The following SLC35F1 variants were observed in gnomAD, a reference collection of about 807,000 sequenced individuals.
SLC35F1 encodes the protein chromosome 6 open reading frame 169.
In SLC35F1, 14 loss-of-function variants were observed where a neutral mutation model predicts 48.7. The ratio of observed to expected loss-of-function variants is 0.29; its 90% confidence interval spans 0.19 to 0.45. The LOEUF is 0.45. Among genes scored for constraint, SLC35F1 ranks in the 20% least tolerant of loss-of-function variants. The pLI is 1.00. For missense variants in SLC35F1, 404 were observed against 500.0 expected, an observed-to-expected ratio of 0.81 and a Z score of 1.83; for synonymous variants, 190 against 202.2, an observed-to-expected ratio of 0.94 and a Z score of 0.51.
At chr6:117,964,784 C>T (rs1384608042) in intron 1 of SLC35F1, among the ~76,000 whole-genome samples, 1 of 152,200 alleles carries the variant, frequency 6.6e-6, no homozygotes, top group African/African-American at 2.4e-5. Context: ...CTGCTCACCA[C>T]ACAGAAACCT....
intron 2 of SLC35F1, among the ~76,000 whole-genome samples, chr6:118,189,932 G>C (rs931301904): frequency 3.3e-5 from 5 of 152,324 alleles, no homozygotes; most frequent in Middle Eastern, 3.4e-3. Flanking sequence ...AAGTATGTCT[G>C]CTGGGATTGG....
intron 1 of SLC35F1, among the ~76,000 whole-genome samples, chr6:118,057,844 G>C (rs1000032851): frequency 1.3e-5 from 2 of 152,142 alleles, no homozygotes; most frequent in Admixed American, 6.5e-5. Context: ...TTGAGGAATG[G>C]ATTTCTGTTG....
intron 1 of SLC35F1, among the ~76,000 whole-genome samples, chr6:118,022,500 T>C (rs1424267320): frequency 2.0e-5 from 3 of 152,064 alleles, no homozygotes; most frequent in Admixed American, 6.6e-5. Context: ...CAGGCTTGGA[T>C]GGCAAGTTGA....
At chr6:117,911,696 T>G (rs1775766016) in intron 1 of SLC35F1, among the ~76,000 whole-genome samples, 1 of 152,094 alleles carries the variant, frequency 6.6e-6, no homozygotes, top group South Asian at 2.1e-4. Flanking sequence ...CCCTCCCACC[T>G]TGGCCTTCCA....
intron 1 of SLC35F1, among the ~76,000 whole-genome samples, chr6:118,107,751 G>A (rs759607830): frequency 6.6e-6 from 1 of 152,150 alleles, no homozygotes; most frequent in Non-Finnish European, 1.5e-5. Flanking sequence ...GTCTGTGTGT[G>A]TGTGTGTGTC....
At chr6:118,029,592 A>G (rs1223774881) in intron 1 of SLC35F1, among the ~76,000 whole-genome samples, 2 of 152,118 alleles carry the variant, frequency 1.3e-5, no homozygotes, top group Non-Finnish European at 2.9e-5. Flanking sequence ...TCAGGCATCC[A>G]CTGGGGGTCT....
intron 6 of SLC35F1, among the ~76,000 whole-genome samples, chr6:118,282,383 T>A (rs1775995018): frequency 6.6e-6 from 1 of 152,122 alleles, no homozygotes; most frequent in South Asian, 2.1e-4. Context: ...TGTGATAGTG[T>A]ATATATTCCA....
intron 2 of SLC35F1, among the ~76,000 whole-genome samples, chr6:118,169,606 G>A (rs1408088085): frequency 1.3e-5 from 2 of 151,972 alleles, no homozygotes; most frequent in Admixed American, 6.6e-5. Context: ...GCCACCCATC[G>A]CGTCTTACCT....
At chr6:117,993,779 T>C (rs1341650988) in intron 1 of SLC35F1, among the ~76,000 whole-genome samples, 1 of 152,208 alleles carries the variant, frequency 6.6e-6, no homozygotes, top group Non-Finnish European at 1.5e-5. Context: ...TATTTATCCA[T>C]GACATATCCT....
intron 1 of SLC35F1, among the ~76,000 whole-genome samples, chr6:118,066,315 G>T (rs1401464083): frequency 6.6e-6 from 1 of 152,140 alleles, no homozygotes; most frequent in Non-Finnish European, 1.5e-5. Context: ...TAAGATAAAA[G>T]ACAAAATTAC....
chr6:118,174,628 A>G (rs1320135862), intron 2 of SLC35F1, among the ~76,000 whole-genome samples: 1 of 152,170 alleles, frequency 6.6e-6, no homozygotes, highest in Non-Finnish European at 1.5e-5. Flanking sequence ...GGTGCAGAAT[A>G]AATATTTGAA....
intron 1 of SLC35F1, among the ~76,000 whole-genome samples, chr6:118,009,804 A>G (rs1299416766): frequency 6.6e-6 from 1 of 152,106 alleles, no homozygotes; most frequent in African/African-American, 2.4e-5. Context: ...AAAGATTTCT[A>G]GTTCAAATTT....
intron 1 of SLC35F1, among the ~76,000 whole-genome samples, chr6:118,099,534 C>G (rs1351370608): frequency 6.6e-6 from 1 of 151,804 alleles, no homozygotes; most frequent in Non-Finnish European, 1.5e-5. Flanking sequence ...CCTCCTGTTC[C>G]CCCCAAGAAT....
chr6:118,116,193 C>G (rs1323993606), intron 1 of SLC35F1, among the ~76,000 whole-genome samples: 1 of 152,118 alleles, frequency 6.6e-6, no homozygotes, highest in Non-Finnish European at 1.5e-5. Flanking sequence ...AGGTATGCCA[C>G]TTTATAGAGT....
intron 1 of SLC35F1, among the ~76,000 whole-genome samples, chr6:118,140,087 C>T (rs1773860572): frequency 6.6e-6 from 1 of 152,010 alleles, no homozygotes; most frequent in East Asian, 1.9e-4. Flanking sequence ...TGTCACATAC[C>T]CATCAGATGT....
chr6:118,227,718 A>AAAAAC (rs753809983), intron 2 of SLC35F1, among the ~76,000 whole-genome samples: 6 of 152,200 alleles, frequency 3.9e-5, no homozygotes, highest in Admixed American at 6.5e-5. Flanking sequence ...TAGGGTGGGC[A>AAAAAC]AAAACAAAAC....
chr6:118,060,511 T>A (rs1005884363), intron 1 of SLC35F1, among the ~76,000 whole-genome samples: 5 of 152,226 alleles, frequency 3.3e-5, no homozygotes, highest in African/African-American at 1.2e-4. Context: ...TTCTGTTAGG[T>A]TTGTTATTTT....
chr6:118,149,657 G>A (rs899222161), intron 1 of SLC35F1, among the ~76,000 whole-genome samples: 4 of 152,054 alleles, frequency 2.6e-5, no homozygotes, highest in Admixed American at 6.6e-5. Flanking sequence ...TTTACATGTC[G>A]TGCTCATTAG....
chr6:118,265,766 G>T (rs1221412789), intron 3 of SLC35F1, among the ~76,000 whole-genome samples: 1 of 152,248 alleles, frequency 6.6e-6, no homozygotes, highest in African/African-American at 2.4e-5. Context: ...GAGGATCACT[G>T]CCCTGTACTG....
Sources: gnomAD v4.1 joint callset for allele counts (sites outside exome capture counted in the v4.1 genomes callset) on GRCh38, gnomAD v4.1.1 for gene constraint, MANE v1.5 for transcripts, NCBI Gene and HGNC (gene_info 2026-07-23, HGNC 2026-07-21) for gene names.